The following PTGIS variants were observed in gnomAD, a reference collection of about 807,000 sequenced individuals.
The protein encoded by PTGIS is prostaglandin I2 synthase, also known as prostacyclin synthase.
A neutral mutation model predicts 50.3 loss-of-function variants in PTGIS; 45 were observed. That is an observed-to-expected ratio of 0.90 (90% CI 0.70 to 1.15). PTGIS has a LOEUF of 1.15. Ranked by LOEUF, PTGIS falls within the 50% of genes most tolerant of loss-of-function variation. PTGIS has a pLI of 0.00. For missense variants in PTGIS, 668 were observed against 661.3 expected, an observed-to-expected ratio of 1.01 and a Z score of -0.11; for synonymous variants, 260 against 267.7, an observed-to-expected ratio of 0.97 and a Z score of 0.28.
At chr20:49,528,893 A>G (rs1212505641) in intron 5 of PTGIS, among the ~76,000 whole-genome samples, 1 of 152,226 alleles carries the variant, frequency 6.6e-6, no homozygotes, top group Non-Finnish European at 1.5e-5. Context: ...TAATAAAACT[A>G]ATCAATTATG....
intron 5 of PTGIS, among the ~76,000 whole-genome samples, chr20:49,530,625 T>G (rs889504137): frequency 3.9e-5 from 6 of 152,208 alleles, no homozygotes; most frequent in African/African-American, 1.2e-4. Flanking sequence ...TGTGGTGATA[T>G]CTCCTTGTGA....
At position 49,544,398 on chromosome 20, in the gene PTGIS, T is replaced by C. The variant is rs1982306417; in HGVS notation, c.428A>G (p.Asn143Ser). The C allele has an allele frequency of 6.2e-7, 1 of 1,613,710 alleles. No individual in the cohort carries two copies. The highest frequency in any genetic ancestry group is 8.5e-7 in the Non-Finnish European group (1 of 1,179,930). The stretch of plus-strand genomic sequence containing the variant: ...ATCGCCCAACAGCACTGCATGGAGG[T>C]TGGTATACATGGCTTCTGTGAGTGC... ...LQALTEAMYTNLHAVLLGDAT... is the reference protein window; with the variant it reads ...LQALTEAMYTSLHAVLLGDAT... The change falls in exon 4 of 10, where the codon AAC becomes AGC. Residue 143 changes from asparagine (N) to serine (S), a missense_variant. By Grantham distance (46) the Asn-to-Ser change is conservative. Transcript: ENST00000244043.
intron 1 of PTGIS, among the ~76,000 whole-genome samples, chr20:49,554,389 T>A (rs1017499867): frequency 5.3e-5 from 8 of 152,324 alleles, no homozygotes; most frequent in South Asian, 2.1e-4. Flanking sequence ...TATAAAAAAA[T>A]TTTTAATGAA....
chr20:49,557,165 A>C (rs984233957), intron 1 of PTGIS, among the ~76,000 whole-genome samples: 1 of 152,202 alleles, frequency 6.6e-6, no homozygotes, highest in Non-Finnish European at 1.5e-5. Context: ...CAACCTACTA[A>C]AACTGAGCTT....
intron 3 of PTGIS, among the ~76,000 whole-genome samples, chr20:49,545,378 C>T (rs1297782221): frequency 6.6e-6 from 1 of 151,596 alleles, no homozygotes; most frequent in African/African-American, 2.4e-5. Flanking sequence ...TATGATCACA[C>T]CACTGCACTC....
At chr20:49,516,695 G>A (rs916361674) in intron 6 of PTGIS, among the ~76,000 whole-genome samples, 2 of 152,210 alleles carry the variant, frequency 1.3e-5, no homozygotes, top group African/African-American at 4.8e-5. Flanking sequence ...CGTGAGGCCA[G>A]GAGGAACCAC....
At position 49,543,150 on chromosome 20, in the gene PTGIS, A is replaced by G. The variant is rs535729301; in HGVS notation, c.521+1155T>C. ...CTAAAATCAGGGAGCTGTCCTTAACACCACTCTATCCCTCTCACTCACGCC... is the reference window on the plus strand; with the variant it reads ...CTAAAATCAGGGAGCTGTCCTTAACGCCACTCTATCCCTCTCACTCACGCC... On this transcript the variant is annotated intron_variant, in intron 4 of 9. Coordinates refer to ENST00000244043, the MANE Select transcript of PTGIS (RefSeq NM_000961.4). Among the ~76,000 whole-genome samples the G allele has an allele frequency of 3.9e-5, 6 of 152,146 alleles. No individual in the cohort carries two copies. The East Asian group carries it at 1.2e-3, about 29-fold the overall frequency.
intron 1 of PTGIS, among the ~76,000 whole-genome samples, chr20:49,563,744 C>T (rs1197427582): frequency 6.6e-6 from 1 of 152,196 alleles, no homozygotes; most frequent in Non-Finnish European, 1.5e-5. Context: ...TTATTTGTGC[C>T]TACAAATTCT....
intron 7 of PTGIS, 32 bp downstream of exon 7, chr20:49,514,195 A>G (rs777098278): frequency 1.2e-5 from 19 of 1,610,942 alleles, no homozygotes; most frequent in Non-Finnish European, 1.5e-5. Context: ...ACGCAGTCTT[A>G]GGGGCTATCT....
intron 5 of PTGIS, among the ~76,000 whole-genome samples, chr20:49,537,100 C>T (rs896904902): frequency 2.6e-5 from 4 of 152,218 alleles, no homozygotes; most frequent in Admixed American, 1.3e-4. Flanking sequence ...CACAGCACTT[C>T]CCAGCCTTCT....
intron 5 of PTGIS, among the ~76,000 whole-genome samples, chr20:49,525,579 A>G (rs747316072): frequency 1.2e-3 from 177 of 150,848 alleles, no homozygotes; most frequent in Non-Finnish European, 1.7e-3. Flanking sequence ...TTTCTTTTCT[A>G]CTTCTTTTTT....
intron 5 of PTGIS, among the ~76,000 whole-genome samples, chr20:49,534,312 C>A (rs1410048674): frequency 1.3e-5 from 2 of 152,190 alleles, no homozygotes; most frequent in Non-Finnish European, 2.9e-5. Flanking sequence ...GCAGGTTCTG[C>A]CAAAAGAGGC....
At chr20:49,547,759 A>ATTT in intron 3 of PTGIS, 82 bp downstream of exon 3, 1 of 1,476,746 alleles carries the variant, frequency 6.8e-7, no homozygotes, top group South Asian at 1.1e-5. Flanking sequence ...TTTGCTTTGG[A>ATTT]ACCAAGAATA....
chr20:49,538,467 T>C (rs1982140162), intron 5 of PTGIS, among the ~76,000 whole-genome samples: 1 of 151,838 alleles, frequency 6.6e-6, no homozygotes, highest in Non-Finnish European at 1.5e-5. Context: ...TACAACAACC[T>C]GGATGAATCT....
intron 1 of PTGIS, among the ~76,000 whole-genome samples, chr20:49,563,334 C>T (rs927646739): frequency 5.9e-5 from 9 of 152,202 alleles, no homozygotes; most frequent in African/African-American, 1.4e-4. Flanking sequence ...ATACCTGCCC[C>T]GCACTGCTAC....
Position 49,511,078 on chromosome 20 carries a change from C to T in PTGIS, c.1308G>A (p.Ala436=), listed in dbSNP as rs763834239. 35 of 1,613,896 alleles carry T rather than the reference C, an allele frequency of 2.2e-5. No homozygotes were observed. In the Admixed American group the frequency reaches 5.0e-4, roughly 23 times the overall value. The change falls in exon 9 of 10, where the codon GCG becomes GCA. Residue 436 remains alanine (A), a synonymous_variant. Transcript: ENST00000244043. ...RLKNYNMPWG[A]GHNHCLGRSY... is the part of the protein sequence containing the mutation. ...TCCTCCCCAGGCAGTGATTGTGCCCCGCCCCCCAGGGCATGTTGTAATTCT... is the reference window on the plus strand; with the variant it reads ...TCCTCCCCAGGCAGTGATTGTGCCCTGCCCCCCAGGGCATGTTGTAATTCT...
At chr20:49,516,334 A>G (rs563993340) in intron 6 of PTGIS, among the ~76,000 whole-genome samples, 16 of 151,356 alleles carry the variant, frequency 1.1e-4, no homozygotes, top group Non-Finnish European at 2.2e-4. Flanking sequence ...CTGGAGTGCA[A>G]TGGCACGATC....
intron 5 of PTGIS, among the ~76,000 whole-genome samples, chr20:49,536,778 C>T (rs1043630606): frequency 1.3e-5 from 2 of 152,080 alleles, no homozygotes; most frequent in South Asian, 4.1e-4. Context: ...CCTCCGCGCC[C>T]GGCCACAGTG....
At chr20:49,531,561 A>G (rs1601189467) in intron 5 of PTGIS, among the ~76,000 whole-genome samples, 1 of 152,232 alleles carries the variant, frequency 6.6e-6, no homozygotes, top group African/African-American at 2.4e-5. Context: ...ACAAAATTTT[A>G]AAAATCTTCC....
Sources: allele counts gnomAD v4.1 joint callset (sites outside exome capture counted in the v4.1 genomes callset), GRCh38; gene constraint gnomAD v4.1.1; transcripts MANE v1.5; gene names NCBI Gene and HGNC (gene_info 2026-07-23, HGNC 2026-07-21).